The following DNAJC3 variants were observed in gnomAD, a reference collection of about 807,000 sequenced individuals.
The protein encoded by DNAJC3 is DnaJ heat shock protein family (Hsp40) member C3, also known as dnaJ homolog subfamily C member 3.
Under a neutral mutation model 68.6 loss-of-function variants are expected in DNAJC3, and 38 were observed. The ratio of observed to expected loss-of-function variants is 0.55; its 90% CI spans 0.43 to 0.73. DNAJC3 has a LOEUF of 0.73. DNAJC3 is among the 30% of genes least tolerant of loss of function. The probability of loss-of-function intolerance (pLI) is 0.00; values close to 1 mark genes in which losing one functional copy is unlikely to be tolerated. For missense variants in DNAJC3, 526 were observed against 591.9 expected, an observed-to-expected ratio of 0.89 and a Z score of 1.16; for synonymous variants, 203 against 204.0, an observed-to-expected ratio of 1.00 and a Z score of 0.04.
intron 1 of DNAJC3, among the ~76,000 whole-genome samples, chr13:95,701,840 T>G (rs370704535): frequency 1.4e-4 from 22 of 152,366 alleles, no homozygotes; most frequent in African/African-American, 4.1e-4. Context: ...CACAGTACCC[T>G]GTGTACATTC....
chr13:95,743,427 T>C (rs775090677), intron 4 of DNAJC3, among the ~76,000 whole-genome samples: 3 of 152,340 alleles, frequency 2.0e-5, no homozygotes, highest in Non-Finnish European at 4.4e-5. Flanking sequence ...TAGTGGCGGT[T>C]TGGCTGCTTA....
At chr13:95,740,985 A>G (rs1882123178) in intron 4 of DNAJC3, among the ~76,000 whole-genome samples, 1 of 151,938 alleles carries the variant, frequency 6.6e-6, no homozygotes, top group South Asian at 2.1e-4. Flanking sequence ...TGTATTGTCT[A>G]TCTCTGTTCT....
At chr13:95,704,849 G>GTTTTTTTTTTTTTTTTTTT (rs1292968162) in intron 1 of DNAJC3, among the ~76,000 whole-genome samples, 2 of 102,884 alleles carry the variant, frequency 1.9e-5, no homozygotes, top group African/African-American at 1.5e-4. Flanking sequence ...CTGTGTGTGT[G>GTTTTTTTTTTTTTTTTTTT]TGTTTTTTTT....
chr13:95,776,808 A>G (rs1368258180), intron 9 of DNAJC3, among the ~76,000 whole-genome samples: 5 of 152,106 alleles, frequency 3.3e-5, no homozygotes, highest in South Asian at 2.1e-4. Context: ...ATATTACTCA[A>G]TTTATCAGTG....
chr13:95,687,939 T>C (rs1191570442), intron 1 of DNAJC3, among the ~76,000 whole-genome samples: 1 of 152,242 alleles, frequency 6.6e-6, no homozygotes, highest in East Asian at 1.9e-4. Flanking sequence ...GCTTGTGTCA[T>C]GTATGACTAC....
chr13:95,678,017 A>T (rs1328019651), intron 1 of DNAJC3, among the ~76,000 whole-genome samples: 2 of 152,208 alleles, frequency 1.3e-5, no homozygotes, highest in Non-Finnish European at 2.9e-5. Context: ...AGTTCGCTGT[A>T]AAAAGGTTCC....
intron 11 of DNAJC3, among the ~76,000 whole-genome samples, chr13:95,787,580 G>A (rs566342362): frequency 1.3e-5 from 2 of 152,072 alleles, no homozygotes; most frequent in Non-Finnish European, 2.9e-5. Context: ...AAGAACAGCT[G>A]TCTGGCCTAG....
At chr13:95,741,057 A>G (rs1209852874) in intron 4 of DNAJC3, among the ~76,000 whole-genome samples, 2 of 152,050 alleles carry the variant, frequency 1.3e-5, no homozygotes, top group African/African-American at 2.4e-5. Flanking sequence ...GTATTTCACA[A>G]ATTTCTTTTT....
intron 7 of DNAJC3, among the ~76,000 whole-genome samples, chr13:95,763,235 A>G (rs1196984346): frequency 6.6e-6 from 1 of 152,232 alleles, no homozygotes; most frequent in Non-Finnish European, 1.5e-5. Context: ...AATGGGTTCC[A>G]TTATTTTCAT....
intron 1 of DNAJC3, among the ~76,000 whole-genome samples, chr13:95,704,778 G>T (rs1249012372): frequency 1.3e-5 from 2 of 151,476 alleles, no homozygotes; most frequent in Non-Finnish European, 2.9e-5. Flanking sequence ...AGCATTGGCA[G>T]ATCAGATGCT....
chr13:95,683,692 C>T (rs994860114), intron 1 of DNAJC3, among the ~76,000 whole-genome samples: 1 of 151,346 alleles, frequency 6.6e-6, no homozygotes, highest in Non-Finnish European at 1.5e-5. Context: ...TTTGGGAGGC[C>T]GAGGTGGATG....
At chr13:95,766,527 A>G (rs1232224243) in intron 9 of DNAJC3, among the ~76,000 whole-genome samples, 1 of 152,208 alleles carries the variant, frequency 6.6e-6, no homozygotes, top group East Asian at 1.9e-4. Context: ...AAGCTGTGTG[A>G]GGGCAGAGAC....
At chr13:95,692,947 A>C (rs1880319200) in intron 1 of DNAJC3, 1 of 152,050 alleles carries the variant, frequency 6.6e-6, no homozygotes, top group South Asian at 2.1e-4. Flanking sequence ...CAGCCTCCCA[A>C]GTAGCTGGGA....
chr13:95,739,337 A>C (rs1470535537), intron 4 of DNAJC3, among the ~76,000 whole-genome samples: 3 of 150,502 alleles, frequency 2.0e-5, no homozygotes, highest in African/African-American at 7.3e-5. Context: ...TCTTTGTGGC[A>C]TTCTCTGTAT....
intron 4 of DNAJC3, chr13:95,745,215 T>G (rs1406861598): frequency 3.3e-5 from 5 of 152,190 alleles, no homozygotes; most frequent in Admixed American, 1.3e-4. Flanking sequence ...TACATAAAAT[T>G]TTTATGTCTG....
At chr13:95,781,244 G>A (rs1883442356) in intron 9 of DNAJC3, among the ~76,000 whole-genome samples, 1 of 152,112 alleles carries the variant, frequency 6.6e-6, no homozygotes, top group Non-Finnish European at 1.5e-5. Context: ...TTATAGTAGG[G>A]ATTAATGCTG....
intron 1 of DNAJC3, among the ~76,000 whole-genome samples, chr13:95,691,865 C>T (rs1051858042): frequency 1.3e-5 from 2 of 152,238 alleles, no homozygotes; most frequent in Admixed American, 1.3e-4. Flanking sequence ...CCAGCCCGGC[C>T]AACACAGTGA....
intron 1 of DNAJC3, among the ~76,000 whole-genome samples, chr13:95,683,579 C>T (rs1160054770): frequency 2.0e-5 from 3 of 152,182 alleles, no homozygotes; most frequent in African/African-American, 7.2e-5. Context: ...CCCAGCCATG[C>T]TTCATGTACA....
intron 1 of DNAJC3, among the ~76,000 whole-genome samples, chr13:95,682,863 T>A (rs1879958417): frequency 6.6e-6 from 1 of 152,244 alleles, no homozygotes; most frequent in Non-Finnish European, 1.5e-5. Flanking sequence ...TTTATTCTGA[T>A]GAATTATAAT....
Sources: gnomAD v4.1 joint callset for allele counts (sites outside exome capture counted in the v4.1 genomes callset) on GRCh38, gnomAD v4.1.1 for gene constraint, MANE v1.5 for transcripts, NCBI Gene and HGNC (gene_info 2026-07-23, HGNC 2026-07-21) for gene names.